The following THSD4 variants were observed in gnomAD, a reference collection of about 807,000 sequenced individuals.
The protein encoded by THSD4 is thrombospondin type 1 domain containing 4.
THSD4 carries 69 observed loss-of-function variants against 119.0 expected under a neutral mutation model. The observed-to-expected ratio is 0.58, with a 90% CI of 0.48 to 0.71. The LOEUF (loss-of-function observed/expected upper bound fraction) is 0.71. Among genes scored for constraint, THSD4 ranks in the 30% least tolerant of loss-of-function variants. The pLI is 0.00. For synonymous variants in THSD4, 524 were observed against 540.4 expected (o/e 0.97, Z 0.42); for missense variants, 1,393 against 1,391.1 (o/e 1.00, Z -0.02).
intron 17 of THSD4, 55 bp downstream of exon 17, chr15:71,771,263 A>G (rs1207811609): frequency 6.2e-7 from 1 of 1,600,474 alleles, no homozygotes; most frequent in African/African-American, 1.3e-5. Context: ...AGCTTGTCAG[A>G]TTCTCCGGTG....
chr15:71,223,691 A>G (rs931176775), intron 4 of THSD4, among the ~76,000 whole-genome samples: 2 of 152,208 alleles, frequency 1.3e-5, no homozygotes, highest in Middle Eastern at 3.2e-3. Context: ...CATGACCTCC[A>G]TGTCTGATGA....
chr15:71,200,366 T>G (rs1172030485), intron 3 of THSD4, among the ~76,000 whole-genome samples: 1 of 152,100 alleles, frequency 6.6e-6, no homozygotes, highest in Non-Finnish European at 1.5e-5. Flanking sequence ...CTCAGCGTGC[T>G]TTGTCTGTAA....
intron 1 of THSD4, among the ~76,000 whole-genome samples, chr15:71,135,903 C>G (rs1444199851): frequency 6.6e-6 from 1 of 151,812 alleles, no homozygotes; most frequent in South Asian, 2.1e-4. Flanking sequence ...CCGGTCCTGT[C>G]CTCTGTCATT....
At chr15:71,472,242 A>G (rs1689230600) in intron 7 of THSD4, among the ~76,000 whole-genome samples, 1 of 152,170 alleles carries the variant, frequency 6.6e-6, no homozygotes, top group South Asian at 2.1e-4. Context: ...CCTCCTCTGT[A>G]AAATGGAGTT....
chr15:71,394,078 ATT>A (rs36141571), intron 6 of THSD4, among the ~76,000 whole-genome samples: 1 of 148,052 alleles, frequency 6.8e-6, no homozygotes, highest in Non-Finnish European at 1.5e-5. Flanking sequence ...GATACACAAT[ATT>A]TTTTTTTTTT....
rs1423310604 is a variant in THSD4, at chr15:71,243,058, A to C, written c.874A>C (p.Ile292Leu). The change falls in exon 5 of 18, where the codon ATC becomes CTC. Residue 292 changes from isoleucine to leucine, a missense_variant. Ile to Leu is a conservative substitution (Grantham distance 5). Coordinates refer to ENST00000261862, the MANE Select transcript of THSD4 (RefSeq NM_024817.3). ...TGCCCGATCTACAGCAATCTCATGC[A>C]TCGGGGCCTATCGGCAGTACAAGCT... ...QPARSTAISC[I>L]GAYRQYKLCN... The C allele has an allele frequency of 3.7e-6, 6 of 1,614,134 alleles. No homozygotes were observed. In the Middle Eastern group the frequency reaches 6.6e-4, roughly 178 times the overall value.
intron 7 of THSD4, among the ~76,000 whole-genome samples, chr15:71,625,018 G>A (rs2050482695): frequency 1.3e-5 from 2 of 151,840 alleles, no homozygotes; most frequent in African/African-American, 4.8e-5. Context: ...TTGTTTGTTT[G>A]TTTGTTTGAG....
chr15:71,323,115 A>G (rs1363200621), intron 6 of THSD4, among the ~76,000 whole-genome samples: 1 of 151,576 alleles, frequency 6.6e-6, no homozygotes, highest in South Asian at 2.1e-4. Context: ...AAAAAAAAAA[A>G]AAAAGATCGT....
intron 6 of THSD4, among the ~76,000 whole-genome samples, chr15:71,374,684 A>G (rs1300155314): frequency 1.3e-5 from 2 of 152,328 alleles, no homozygotes; most frequent in African/African-American, 4.8e-5. Flanking sequence ...TTTGAATTCT[A>G]GGAAAGAAGT....
At chr15:71,493,591 G>A (rs1368936625) in intron 7 of THSD4, among the ~76,000 whole-genome samples, 1 of 152,160 alleles carries the variant, frequency 6.6e-6, no homozygotes, top group Non-Finnish European at 1.5e-5. Context: ...AATGTGGGGC[G>A]TTAGCTTTAC....
chr15:71,461,257 G>T (rs2047425061), intron 7 of THSD4, among the ~76,000 whole-genome samples: 1 of 152,198 alleles, frequency 6.6e-6, no homozygotes. Context: ...CCTGCCACAT[G>T]CACCTCTATA....
At chr15:71,595,793 C>T (rs572630944) in intron 7 of THSD4, among the ~76,000 whole-genome samples, 17 of 152,302 alleles carry the variant, frequency 1.1e-4, no homozygotes, top group African/African-American at 2.6e-4. Flanking sequence ...CATTTAAAGA[C>T]GGTAGCTACT....
At chr15:71,757,868 C>T in intron 14 of THSD4, 34 bp from the exon 15 acceptor site, 1 of 1,610,068 alleles carries the variant, frequency 6.2e-7, no homozygotes, top group Non-Finnish European at 8.5e-7. Context: ...CTGCCAGGGC[C>T]TCCTGACTAA....
chr15:71,365,016 A>G (rs573367353), intron 6 of THSD4, among the ~76,000 whole-genome samples: 1 of 152,294 alleles, frequency 6.6e-6, no homozygotes, highest in Admixed American at 6.5e-5. Flanking sequence ...TTTGGCACCT[A>G]AAACTGCATC....
At chr15:71,708,432 A>T (rs1187004073) in intron 8 of THSD4, among the ~76,000 whole-genome samples, 5 of 152,160 alleles carry the variant, frequency 3.3e-5, no homozygotes, top group African/African-American at 1.2e-4. Flanking sequence ...TGAAATGAAG[A>T]CCTGTAGTAG....
At chr15:71,577,835 C>T (rs187624673) in intron 7 of THSD4, among the ~76,000 whole-genome samples, 1 of 151,666 alleles carries the variant, frequency 6.6e-6, no homozygotes, top group African/African-American at 2.4e-5. Flanking sequence ...ATTCTTCTGC[C>T]TCAGCCTCCC....
At chr15:71,345,371 A>ACC (rs1230924102) in intron 6 of THSD4, among the ~76,000 whole-genome samples, 1 of 152,054 alleles carries the variant, frequency 6.6e-6, no homozygotes, top group Non-Finnish European at 1.5e-5. Context: ...GGCCAAAGGC[A>ACC]CCCCGGGCTG....
chr15:71,642,813 G>A lies in THSD4; in HGVS notation c.1153-17717G>A, dbSNP rs941841402. On this transcript the variant is annotated intron_variant, in intron 7 of 17. Transcript: ENST00000261862. ...TGGGGACTGTTGTGGGGTGGGGGGAGTGGGGAGGGATAGCATTAAGAGATA... is the reference window on the plus strand; with the variant it reads ...TGGGGACTGTTGTGGGGTGGGGGGAATGGGGAGGGATAGCATTAAGAGATA... Among the ~76,000 whole-genome samples, 5 of 151,742 alleles carry A rather than the reference G, an allele frequency of 3.3e-5. No individual in the cohort carries two copies. In the South Asian group the frequency reaches 1.0e-3, roughly 32 times the overall value.
intron 7 of THSD4, among the ~76,000 whole-genome samples, chr15:71,561,547 G>T (rs1463566160): frequency 6.6e-6 from 1 of 152,068 alleles, no homozygotes; most frequent in Non-Finnish European, 1.5e-5. Context: ...GGGGGTGAGG[G>T]CATCACCCAT....
Sources: gnomAD v4.1 joint callset for allele counts (sites outside exome capture counted in the v4.1 genomes callset) on GRCh38, gnomAD v4.1.1 for gene constraint, MANE v1.5 for transcripts, NCBI Gene and HGNC (gene_info 2026-07-23, HGNC 2026-07-21) for gene names.